The following MARCHF11 variants were observed in gnomAD, a reference collection of about 807,000 sequenced individuals.
MARCHF11 encodes E3 ubiquitin-protein ligase MARCHF11.
A neutral mutation model predicts 37.3 loss-of-function variants in MARCHF11; 29 were observed. The ratio of observed to expected loss-of-function variants is 0.78; its 90% confidence interval spans 0.58 to 1.06. The LOEUF (loss-of-function observed/expected upper bound fraction) is 1.06. Among genes scored for constraint, MARCHF11 ranks in the 50% least tolerant of loss-of-function variants. MARCHF11 has a pLI of 0.00. For missense variants in MARCHF11, 482 were observed against 533.4 expected, an observed-to-expected ratio of 0.90 and a Z score of 0.95; for synonymous variants, 233 against 228.0, an observed-to-expected ratio of 1.02 and a Z score of -0.20.
intron 2 of MARCHF11, among the ~76,000 whole-genome samples, chr5:16,103,401 C>T (rs557115376): frequency 1.5e-4 from 23 of 152,190 alleles, no homozygotes; most frequent in South Asian, 6.2e-4. Context: ...GTAGAATCCA[C>T]GTGAGCAAGC....
rs567371373 is a variant in MARCHF11, at chr5:16,134,306, G to A, written c.694-43225C>T. ...GTGGGACGTGGGACCTAATGGGGAA[G>A]GTTTAGGTCATGAGGGTTCCACCCT... On this transcript the variant is annotated intron_variant, in intron 2 of 3. Transcript: ENST00000332432. 1.1e-4 allele frequency among the ~76,000 whole-genome samples: 17 copies of A among 152,220 alleles called. No individual in the cohort carries two copies. In the South Asian group the frequency reaches 2.7e-3, roughly 24 times the overall value.
chr5:16,135,447 T>C (rs1737592110), intron 2 of MARCHF11, among the ~76,000 whole-genome samples: 1 of 152,154 alleles, frequency 6.6e-6, no homozygotes, highest in African/African-American at 2.4e-5. Context: ...AATTGAATAA[T>C]TAAACATGAG....
intron 2 of MARCHF11, among the ~76,000 whole-genome samples, chr5:16,151,592 GT>G (rs1737889234): frequency 7.7e-6 from 1 of 130,054 alleles, no homozygotes; most frequent in South Asian, 2.4e-4. Flanking sequence ...ACAGCTTATA[GT>G]TGTGTATCTT....
intron 2 of MARCHF11, among the ~76,000 whole-genome samples, chr5:16,122,438 T>C (rs1451609545): frequency 1.2e-4 from 19 of 152,194 alleles, no homozygotes; most frequent in Admixed American, 1.2e-3. Flanking sequence ...GTGGTCTTTG[T>C]GTTTACTAGC....
intron 3 of MARCHF11, among the ~76,000 whole-genome samples, chr5:16,089,105 A>G (rs1736748637): frequency 6.6e-6 from 1 of 152,150 alleles, no homozygotes; most frequent in Non-Finnish European, 1.5e-5. Flanking sequence ...AAATTAAAAA[A>G]AAAAATCATT....
chr5:16,088,190 C>T (rs1018844134), intron 3 of MARCHF11, among the ~76,000 whole-genome samples: 1 of 152,154 alleles, frequency 6.6e-6, no homozygotes, highest in Non-Finnish European at 1.5e-5. Context: ...CCTTCCTCTC[C>T]CTACACACAG....
At chr5:16,113,776 C>G (rs112050397) in intron 2 of MARCHF11, among the ~76,000 whole-genome samples, 3 of 152,110 alleles carry the variant, frequency 2.0e-5, no homozygotes, top group African/African-American at 7.2e-5. Flanking sequence ...TTTATCACTT[C>G]TTTGTTTTGG....
chr5:16,102,249 G>A (rs985969893), intron 2 of MARCHF11, among the ~76,000 whole-genome samples: 1 of 152,138 alleles, frequency 6.6e-6, no homozygotes, highest in Admixed American at 6.5e-5. Context: ...CTACTACATG[G>A]AACTGGGCTT....
chr5:16,140,529 T>A (rs1317312376), intron 2 of MARCHF11, among the ~76,000 whole-genome samples: 1 of 152,158 alleles, frequency 6.6e-6, no homozygotes, highest in African/African-American at 2.4e-5. Flanking sequence ...ATTCTATGAA[T>A]TCTTAAAGAA....
At chr5:16,170,735 G>A (rs1040040265) in intron 2 of MARCHF11, among the ~76,000 whole-genome samples, 3 of 152,068 alleles carry the variant, frequency 2.0e-5, no homozygotes, top group African/African-American at 7.2e-5. Flanking sequence ...GTTATATAAT[G>A]TGCTCTAAAA....
At chr5:16,176,291 C>T (rs1425251061) in intron 2 of MARCHF11, among the ~76,000 whole-genome samples, 1 of 152,108 alleles carries the variant, frequency 6.6e-6, no homozygotes, top group Non-Finnish European at 1.5e-5. Flanking sequence ...TTCTCTAGAG[C>T]CCAAAACTCT....
chr5:16,094,321 G>A (rs1479551254), intron 2 of MARCHF11, among the ~76,000 whole-genome samples: 1 of 152,126 alleles, frequency 6.6e-6, no homozygotes, highest in African/African-American at 2.4e-5. Flanking sequence ...TGTGTTAATG[G>A]GCCATTTGCT....
At chr5:16,159,690 G>T (rs1362552899) in intron 2 of MARCHF11, among the ~76,000 whole-genome samples, 1 of 151,448 alleles carries the variant, frequency 6.6e-6, no homozygotes. Flanking sequence ...TATTTCCAGG[G>T]TACAGAGCCA....
In MARCHF11 at chr5:16,109,103, TACACACAC is replaced by T. The variant is rs3031633; in HGVS notation, c.694-18030_694-18023del. ...CTTGGAGCATCTGTGACATAAGAAA[TACACACAC>T]ACACACACACACACACACACACACA... On this transcript the variant is annotated intron_variant, in intron 2 of 3. Coordinates refer to ENST00000332432, the MANE Select transcript of MARCHF11 (RefSeq NM_001102562.3). Among the ~76,000 whole-genome samples the T allele has an allele frequency of 2.2e-4, 31 of 141,414 alleles. 1 individual carries two copies. The highest frequency in any genetic ancestry group is 6.3e-4 in the East Asian group (3 of 4,742). 92.8% of individuals were successfully genotyped at this position (141,414 alleles called of 152,430 possible).
intron 2 of MARCHF11, among the ~76,000 whole-genome samples, chr5:16,148,089 C>T (rs1351249620): frequency 6.6e-6 from 1 of 151,934 alleles, no homozygotes; most frequent in Non-Finnish European, 1.5e-5. Context: ...ATATTATGCA[C>T]TTTGGGAAAT....
intron 2 of MARCHF11, among the ~76,000 whole-genome samples, chr5:16,116,154 A>G (rs1737223321): frequency 6.6e-6 from 1 of 152,212 alleles, no homozygotes; most frequent in South Asian, 2.1e-4. Flanking sequence ...CAAATCACCA[A>G]GTCAATGAAT....
At chr5:16,076,924 G>A (rs1736527985) in intron 3 of MARCHF11, among the ~76,000 whole-genome samples, 1 of 152,220 alleles carries the variant, frequency 6.6e-6, no homozygotes, top group Non-Finnish European at 1.5e-5. Context: ...GACTATGAAG[G>A]AGATGACAGA....
intron 2 of MARCHF11, among the ~76,000 whole-genome samples, chr5:16,177,390 C>A (rs2126613512): frequency 6.6e-6 from 1 of 152,268 alleles, no homozygotes; most frequent in Non-Finnish European, 1.5e-5. Flanking sequence ...TTAATAAAAT[C>A]AATTGTGTAA....
In MARCHF11 at chr5:16,146,897, A is replaced by G. The variant is rs183656452; in HGVS notation, c.693+30829T>C. 6.0e-3 allele frequency among the ~76,000 whole-genome samples: 920 copies of G among 152,284 alleles called. 12 individuals carry two copies. Among genetic ancestry groups the G allele is most frequent in the Non-Finnish European group, 4.8e-3 (326 of 68,020 alleles). On this transcript the variant is annotated intron_variant, in intron 2 of 3. Coordinates refer to ENST00000332432, the MANE Select transcript of MARCHF11 (RefSeq NM_001102562.3). The stretch of plus-strand genomic sequence containing the variant: ...ACTTTGTGGGAGATGAGATAGCAAG[A>G]GGCATAACCAGAGGTCTTAGATTAG...
Sources: allele counts gnomAD v4.1 joint callset (sites outside exome capture counted in the v4.1 genomes callset), GRCh38; gene constraint gnomAD v4.1.1; transcripts MANE v1.5; gene names NCBI Gene and HGNC (gene_info 2026-07-23, HGNC 2026-07-21).